Variants in TRAP1 observed in about 807,000 individuals in gnomAD.
TRAP1 encodes TNF receptor associated protein 1, also known as heat shock protein 75 kDa, mitochondrial.
TRAP1 carries 102 observed loss-of-function variants against 89.1 expected under a neutral mutation model. The ratio of observed to expected loss-of-function variants is 1.15; its 90% confidence interval spans 0.98 to 1.35. The LOEUF is 1.35. TRAP1 is among the 40% of genes most tolerant of loss of function. The pLI is 0.00. For synonymous variants in TRAP1, 508 were observed against 388.0 expected (o/e 1.31, Z -3.64); for missense variants, 1,256 against 945.3 (o/e 1.33, Z -4.31).
At chr16:3,675,101 C>G (rs1311628385) in intron 8 of TRAP1, among the ~76,000 whole-genome samples, 1 of 152,146 alleles carries the variant, frequency 6.6e-6, no homozygotes, top group Non-Finnish European at 1.5e-5. Flanking sequence ...GGCGTTACGC[C>G]TCAGTGAACC....
rs71133652 is a variant in TRAP1, at chr16:3,710,879, A to ATATTTTTTTTT, written c.88+6541_88+6542insAAAAAAAAATA. Among the ~76,000 whole-genome samples the ATATTTTTTTTT allele has an allele frequency of 3.1e-3, 386 of 125,750 alleles. 1 individual carries two copies. The highest frequency in any genetic ancestry group is 4.0e-3 in the Non-Finnish European group (256 of 63,560). 82.5% of individuals were successfully genotyped at this position (125,750 alleles called of 152,430 possible). Reference sequence around the variant, plus strand: ...TGTGTATATATATATATATATATATATTTTTTTTTTTGAGACACTGTCACT... The same window carrying ATATTTTTTTTT: ...TGTGTATATATATATATATATATATATATTTTTTTTTTTTTTTTTTTTGAGACACTGTCACT... On this transcript the variant is annotated intron_variant, in intron 1 of 17. Coordinates refer to ENST00000246957, the MANE Select transcript of TRAP1 (RefSeq NM_016292.3).
intron 10 of TRAP1, 139 bp from the exon 11 acceptor site, chr16:3,671,930 T>G: frequency 4.6e-6 from 4 of 878,836 alleles, no homozygotes; most frequent in Non-Finnish European, 7.2e-6. Flanking sequence ...GAGGCGGCAC[T>G]GCCGGAGCTT....
Position 3,662,097 on chromosome 16 carries a change from G to T in TRAP1, c.1830C>A (p.Val610=), listed in dbSNP as rs761454023. The T allele has an allele frequency of 1.2e-6, 2 of 1,613,128 alleles. No homozygotes were observed. Among genetic ancestry groups the T allele is most frequent in the Non-Finnish European group, 1.7e-6 (2 of 1,179,866 alleles). ...TLRLDTHPAM[V]TVLEMGAARH... ...GGGCAGCCCCCATCTCCAGCACGGT[G>T]ACCATGGCAGGGTGGGTGTCCAGTC... The change falls in exon 16 of 18, where the codon GTC becomes GTA. Residue 610 remains valine (V), a synonymous_variant. Coordinates refer to ENST00000246957, the MANE Select transcript of TRAP1 (RefSeq NM_016292.3).
chr16:3,675,549 A>T (rs779599257), intron 7 of TRAP1, 152 bp from the exon 8 acceptor site: 6 of 693,578 alleles, frequency 8.7e-6, no homozygotes, highest in Non-Finnish European at 1.5e-5. Context: ...CAGTGGGGAC[A>T]CCTGTCCTCC....
chr16:3,717,272 A>G, intron 1 of TRAP1, 149 bp downstream of exon 1: 1 of 353,972 alleles, frequency 2.8e-6, no homozygotes, highest in Non-Finnish European at 5.0e-6. Flanking sequence ...GAGCGGAGCG[A>G]AAGTAAACGC....
chr16:3,692,455 G>C (rs2051227179), intron 1 of TRAP1, among the ~76,000 whole-genome samples: 1 of 150,986 alleles, frequency 6.6e-6, no homozygotes, highest in South Asian at 2.1e-4. Flanking sequence ...GGAATGGCTT[G>C]AACTTGGGAA....
Position 3,674,715 on chromosome 16 carries a change from CAT to C in TRAP1, c.889-223_889-222del, listed in dbSNP as rs1459480341. 4 of 589,594 alleles carry C rather than the reference CAT, an allele frequency of 6.8e-6. No homozygotes were observed. The Admixed American group carries it at 9.3e-5, about 14-fold the overall frequency. 36.5% of individuals were successfully genotyped at this position (589,594 alleles called of 1,614,324 possible). A position where few individuals can be genotyped will look rare whatever the true frequency, so the allele number is the denominator to read the frequency against. The stretch of plus-strand genomic sequence containing the variant: ...CTGGGGCAGGAGCTCCTCAGGACAA[CAT>C]GTCAGGAGGACCAGCCGGGACCTGA... On this transcript the variant is annotated intron_variant, in intron 8 of 17. Coordinates refer to ENST00000246957, the MANE Select transcript of TRAP1 (RefSeq NM_016292.3).
At chr16:3,707,388 T>C (rs999101844) in intron 1 of TRAP1, among the ~76,000 whole-genome samples, 7 of 150,442 alleles carry the variant, frequency 4.7e-5, no homozygotes, top group African/African-American at 1.7e-4. Context: ...GGTTTCACCA[T>C]GTTGGCCAGG....
intron 1 of TRAP1, among the ~76,000 whole-genome samples, chr16:3,698,218 T>C (rs549448709): frequency 4.6e-5 from 7 of 152,158 alleles, no homozygotes; most frequent in South Asian, 4.1e-4. Context: ...CCAGCCAGAA[T>C]TGCAAGACTT....
Position 3,694,062 on chromosome 16 carries a change from G to T in TRAP1, c.89-3077C>A, listed in dbSNP as rs554830593. On this transcript the variant is annotated intron_variant, in intron 1 of 17. Coordinates refer to ENST00000246957, the MANE Select transcript of TRAP1 (RefSeq NM_016292.3). ...CGGTGCTTCCCACTGGAGGTGCCGAGGGAGAGTCCATCCCGCACCTCTCCC... is the reference window on the plus strand; with the variant it reads ...CGGTGCTTCCCACTGGAGGTGCCGATGGAGAGTCCATCCCGCACCTCTCCC... Among the ~76,000 whole-genome samples, 150 of 151,744 alleles carry T rather than the reference G, an allele frequency of 9.9e-4. 2 individuals carry two copies. Among genetic ancestry groups the T allele is most frequent in the African/African-American group, 3.4e-3 (141 of 41,376 alleles).
At chr16:3,703,695 A>C (rs2051400033) in intron 1 of TRAP1, among the ~76,000 whole-genome samples, 1 of 151,970 alleles carries the variant, frequency 6.6e-6, no homozygotes, top group African/African-American at 2.4e-5. Flanking sequence ...ATAATCTACA[A>C]AATAAATACC....
At chr16:3,664,148 T>C (rs947019355) in intron 13 of TRAP1, 126 bp downstream of exon 13, 7 of 1,027,830 alleles carry the variant, frequency 6.8e-6, no homozygotes, top group Non-Finnish European at 9.4e-6. Flanking sequence ...TCTGTGCCCG[T>C]GACCCTGACC....
At chr16:3,712,285 C>CAAAAAAAAAAAAAAAAAAAAAAAA (rs764259574) in intron 1 of TRAP1, among the ~76,000 whole-genome samples, 2 of 32,082 alleles carry the variant, frequency 6.2e-5, no homozygotes, top group African/African-American at 1.2e-4. Context: ...GAATCTGTCT[C>CAAAAAAAAAAAAAAAAAAAAAAAA]AAAAAAAAAA....
intron 1 of TRAP1, among the ~76,000 whole-genome samples, chr16:3,713,267 C>G (rs1395244717): frequency 6.6e-6 from 1 of 152,126 alleles, no homozygotes; most frequent in African/African-American, 2.4e-5. Flanking sequence ...AAAGGGAGAG[C>G]AGAGGGAGGA....
chr16:3,675,214 C>T (rs968749138), intron 8 of TRAP1, 110 bp downstream of exon 8: 18 of 1,012,118 alleles, frequency 1.8e-5, no homozygotes, highest in Admixed American at 8.3e-5. Flanking sequence ...CAGAGCAGCT[C>T]GCCCTGTGAC....
In TRAP1 at chr16:3,670,086, T is replaced by C. The variant is rs555336181; in HGVS notation, c.1235+1636A>G. On this transcript the variant is annotated intron_variant, in intron 11 of 17. Transcript: ENST00000246957. ...TATAAGCAATATGAATTCAATTGCA[T>C]GAAAAACAAAAACAGGCCGGGCGCA... Among the ~76,000 whole-genome samples the C allele has an allele frequency of 6.2e-4, 94 of 151,440 alleles. No individual in the cohort carries two copies. The Middle Eastern group carries it at 0.017, about 28-fold the overall frequency.
At chr16:3,695,767 G>T (rs1212120890) in intron 1 of TRAP1, among the ~76,000 whole-genome samples, 1 of 152,164 alleles carries the variant, frequency 6.6e-6, no homozygotes, top group Non-Finnish European at 1.5e-5. Flanking sequence ...TCGGGCAGGA[G>T]ATGTGTCCCC....
intron 1 of TRAP1, among the ~76,000 whole-genome samples, chr16:3,708,726 G>C (rs928409894): frequency 2.0e-5 from 3 of 152,066 alleles, no homozygotes; most frequent in African/African-American, 2.4e-5. Flanking sequence ...TGAGGCGAGA[G>C]GACTGCTTAA....
In TRAP1 at chr16:3,665,974, G is replaced by C; in HGVS notation, c.1380C>G (p.Val460=). ...EGIVTATEQE[V]KEDIAKLLRY... ...GCCTGGAACACAGCTCCTATACCTT[G>C]ACCTCCTGCTCGGTGGCGGTCACAA... Residue 460 remains valine, a synonymous_variant, in exon 12 of 18, where the codon GTC becomes GTG. Transcript: ENST00000246957. 6.2e-7 allele frequency: 1 copy of C among 1,613,106 alleles called. No individual in the cohort carries two copies. The highest frequency in any genetic ancestry group is 8.5e-7 in the Non-Finnish European group (1 of 1,179,648).
Sources: allele counts gnomAD v4.1 joint callset (sites outside exome capture counted in the v4.1 genomes callset), GRCh38; gene constraint gnomAD v4.1.1; transcripts MANE v1.5; gene names NCBI Gene and HGNC (gene_info 2026-07-23, HGNC 2026-07-21).